The following VWF variants were observed in gnomAD, a reference collection of about 807,000 sequenced individuals.
VWF encodes the protein Factor VIII related antigen.
A neutral mutation model predicts 308.6 loss-of-function variants in VWF; 176 were observed. The ratio of observed to expected loss-of-function variants is 0.57; its 90% CI spans 0.50 to 0.65. VWF has a LOEUF of 0.65. VWF is among the 30% of genes least tolerant of loss of function. The pLI is 0.00. For missense variants in VWF, 3,146 were observed against 3,648.2 expected, an observed-to-expected ratio of 0.86 and a Z score of 3.55; for synonymous variants, 1,385 against 1,443.4, an observed-to-expected ratio of 0.96 and a Z score of 0.92.
At chr12:6,107,387 G>C (rs1591922350) in intron 5 of VWF, among the ~76,000 whole-genome samples, 1 of 152,318 alleles carries the variant, frequency 6.6e-6, no homozygotes, top group African/African-American at 2.4e-5. Flanking sequence ...GTATGTGAAA[G>C]GGTGAATTTT....
intron 47 of VWF, among the ~76,000 whole-genome samples, chr12:5,964,266 ACATACATGCATACATACATG>A (rs1565811192): frequency 7.0e-6 from 1 of 142,724 alleles, no homozygotes; most frequent in Admixed American, 6.7e-5. Flanking sequence ...ATACATACAT[ACATACATGCATACATACATG>A]CATACATACA....
intron 5 of VWF, among the ~76,000 whole-genome samples, chr12:6,106,602 G>A (rs550635208): frequency 1.6e-4 from 24 of 152,154 alleles, no homozygotes; most frequent in African/African-American, 1.7e-4. Context: ...GGCCAGGCGC[G>A]GTGGCTCACG....
chr12:5,979,108 A>G (rs528101808), intron 42 of VWF, among the ~76,000 whole-genome samples: 144 of 152,370 alleles, frequency 9.5e-4, no homozygotes, highest in African/African-American at 3.2e-3. Flanking sequence ...GCTAAAAACA[A>G]AAAACCTCTT....
intron 14 of VWF, 72 bp downstream of exon 14, chr12:6,057,777 C>T (rs1403228166): frequency 2.7e-6 from 4 of 1,498,444 alleles, no homozygotes; most frequent in African/African-American, 2.8e-5. Flanking sequence ...GCACTGCCTC[C>T]GGAACGCACT....
intron 45 of VWF, among the ~76,000 whole-genome samples, 198 bp from the exon 46 acceptor site, chr12:5,968,365 C>T (rs1407066196): frequency 6.6e-6 from 1 of 152,148 alleles, no homozygotes; most frequent in Non-Finnish European, 1.5e-5. Context: ...CCCCATGCAG[C>T]CCACAATGAG....
intron 31 of VWF, among the ~76,000 whole-genome samples, chr12:6,014,400 G>C (rs955433883): frequency 6.6e-6 from 1 of 152,188 alleles, no homozygotes; most frequent in Non-Finnish European, 1.5e-5. Flanking sequence ...GTGGAAGCTG[G>C]GGTTCCAGTT....
At chr12:5,964,674 G>T (rs1400891228) in intron 47 of VWF, among the ~76,000 whole-genome samples, 2 of 152,170 alleles carry the variant, frequency 1.3e-5, no homozygotes, top group Admixed American at 6.5e-5. Flanking sequence ...TAAACCATTT[G>T]CTCTCATAAA....
chr12:5,972,868 C>A (rs542173415), intron 43 of VWF, among the ~76,000 whole-genome samples: 81 of 152,288 alleles, frequency 5.3e-4, no homozygotes, highest in Non-Finnish European at 1.0e-3. Context: ...AAAACAAGGT[C>A]TCAGGGGGTC....
At chr12:6,065,784 G>A (rs1457944490) in intron 10 of VWF, among the ~76,000 whole-genome samples, 3 of 152,246 alleles carry the variant, frequency 2.0e-5, no homozygotes, top group African/African-American at 4.8e-5. Context: ...AGGCCAGGGG[G>A]CAGAGTAGGC....
chr12:6,106,212 TC>T lies in VWF; in HGVS notation c.532+4161del, dbSNP rs563916399. ...TCTGTATGCACAATGAAATTTTTTT[TC>T]TTTTCCTCAAATTCCTCTGATACAA... On this transcript the variant is annotated intron_variant, in intron 5 of 51. Coordinates refer to ENST00000261405, the MANE Select transcript of VWF (RefSeq NM_000552.5). Among the ~76,000 whole-genome samples, 183 of 152,314 alleles carry T rather than the reference TC, an allele frequency of 1.2e-3. 1 individual carries two copies. The highest frequency in any genetic ancestry group is 2.2e-3 in the Non-Finnish European group (148 of 68,020).
chr12:6,050,996 C>T (rs892837016), intron 16 of VWF, among the ~76,000 whole-genome samples: 9 of 150,204 alleles, frequency 6.0e-5, no homozygotes, highest in South Asian at 2.1e-4. Flanking sequence ...GAATGTTAGA[C>T]GTTATTAAGG....
intron 5 of VWF, among the ~76,000 whole-genome samples, chr12:6,100,472 G>A (rs1489845682): frequency 1.3e-5 from 2 of 151,254 alleles, no homozygotes; most frequent in Non-Finnish European, 2.9e-5. Context: ...ATTCACAATA[G>A]CAAAGACTTG....
chr12:6,066,794 T>C (rs1944720194), intron 10 of VWF, among the ~76,000 whole-genome samples: 1 of 152,242 alleles, frequency 6.6e-6, no homozygotes, highest in African/African-American at 2.4e-5. Flanking sequence ...GCCCTCACTG[T>C]CTGGCACTTC....
At chr12:6,072,653 G>A (rs1164683965) in intron 8 of VWF, among the ~76,000 whole-genome samples, 2 of 152,172 alleles carry the variant, frequency 1.3e-5, no homozygotes, top group African/African-American at 4.8e-5. Flanking sequence ...AAAGAATTTT[G>A]TTCCAGGTCA....
intron 31 of VWF, among the ~76,000 whole-genome samples, chr12:6,015,621 C>G (rs1944047096): frequency 6.6e-6 from 1 of 152,028 alleles, no homozygotes; most frequent in East Asian, 1.9e-4. Flanking sequence ...GGATCCTTCC[C>G]TTTCCTACAG....
At chr12:6,103,060 G>A (rs1454712912) in intron 5 of VWF, among the ~76,000 whole-genome samples, 1 of 152,150 alleles carries the variant, frequency 6.6e-6, no homozygotes, top group Admixed American at 6.5e-5. Flanking sequence ...AGGCGTGGTG[G>A]CTCATGCCTG....
chr12:6,025,626 G>A lies in VWF; in HGVS notation c.3176C>T (p.Ser1059Phe). The change falls in exon 24 of 52, where the codon TCC (serine) becomes TTC (phenylalanine). Residue 1059 changes from serine (S) to phenylalanine (F), a missense_variant. Ser to Phe is a radical substitution (Grantham distance 155, BLOSUM62 -2). Coordinates refer to ENST00000261405, the MANE Select transcript of VWF (RefSeq NM_000552.5). ...GACGTCACTGGTAAGGATTCTACAG[G>A]AGGAATCCACCATCGTCTGCTTCAT... ...NIMKQTMVDS[S>F]CRILTSDVFQ... 1 of 1,560,582 alleles carries A rather than the reference G, an allele frequency of 6.4e-7. No homozygotes were observed. The highest frequency in any genetic ancestry group is 1.1e-5 in the South Asian group (1 of 89,224).
chr12:6,022,547 T>C (rs1210214418), intron 26 of VWF, among the ~76,000 whole-genome samples, 193 bp downstream of exon 26: 2 of 145,060 alleles, frequency 1.4e-5, no homozygotes, highest in East Asian at 4.1e-4. Context: ...AAAAGCATTT[T>C]GGAGGAGCTC....
chr12:5,969,812 G>A (rs925904047), intron 44 of VWF, among the ~76,000 whole-genome samples: 2 of 152,174 alleles, frequency 1.3e-5, no homozygotes, highest in African/African-American at 4.8e-5. Context: ...GCCCGGGAAG[G>A]CTGGCCTGGG....
Sources: allele counts gnomAD v4.1 joint callset (sites outside exome capture counted in the v4.1 genomes callset), GRCh38; gene constraint gnomAD v4.1.1; transcripts MANE v1.5; gene names NCBI Gene and HGNC (gene_info 2026-07-23, HGNC 2026-07-21).